L3MBTL3: variants seen among roughly 807,000 people sequenced by gnomAD.
L3MBTL3 encodes the protein lethal(3)malignant brain tumor-like protein 3.
A neutral mutation model predicts 102.3 loss-of-function variants in L3MBTL3; 27 were observed. That is an observed-to-expected ratio of 0.26 (90% confidence interval 0.19 to 0.36). The LOEUF is 0.36. Among genes scored for constraint, L3MBTL3 ranks in the 10% least tolerant of loss-of-function variants. The pLI, the probability that L3MBTL3 is intolerant of heterozygous loss-of-function variation, is 1.00. For missense variants in L3MBTL3, 798 were observed against 955.3 expected (o/e 0.84, Z 2.17); for synonymous variants, 340 against 320.9 (o/e 1.06, Z -0.64).
chr6:130,051,693 A>G (rs1298513869), intron 6 of L3MBTL3, among the ~76,000 whole-genome samples: 1 of 152,158 alleles, frequency 6.6e-6, no homozygotes, highest in African/African-American at 2.4e-5. Flanking sequence ...AGCTAAGAGT[A>G]TTTAGTTTTT....
intron 2 of L3MBTL3, among the ~76,000 whole-genome samples, chr6:130,038,346 C>T (rs768875407): frequency 9.2e-5 from 14 of 151,870 alleles, no homozygotes; most frequent in Admixed American, 2.0e-4. Context: ...ATCCTCCATA[C>T]TGTTTTCTAT....
chr6:130,063,725 A>G (rs770367538), intron 10 of L3MBTL3, among the ~76,000 whole-genome samples: 2 of 152,206 alleles, frequency 1.3e-5, no homozygotes, highest in Non-Finnish European at 2.9e-5. Context: ...TCTGTAAGGC[A>G]ACATCACAAC....
intron 2 of L3MBTL3, among the ~76,000 whole-genome samples, chr6:130,041,038 G>T (rs1780388796): frequency 6.6e-6 from 1 of 152,200 alleles, no homozygotes; most frequent in Non-Finnish European, 1.5e-5. Context: ...CAGTGAAGAA[G>T]GCAAAGAATG....
chr6:130,057,470 G>T lies in L3MBTL3; in HGVS notation c.732G>T (p.Val244=). 6.2e-7 allele frequency: 1 copy of T among 1,610,220 alleles called. No homozygotes were observed. The highest frequency in any genetic ancestry group is 8.5e-7 in the Non-Finnish European group (1 of 1,178,798). Residue 244 remains valine, a synonymous_variant, in exon 9 of 23, where the codon GTG becomes GTT. Transcript: ENST00000361794. ...CCTACCTGGAAGAGGAGAAAGCGGT[G>T]GCAGTGCCGGCGAAGCTGTTCAAGG... ...WASYLEEEKA[V]AVPAKLFKEH...
At chr6:130,111,542 C>G (rs960877253) in intron 19 of L3MBTL3, among the ~76,000 whole-genome samples, 4 of 152,108 alleles carry the variant, frequency 2.6e-5, no homozygotes, top group Non-Finnish European at 5.9e-5. Context: ...CAGGCAGTCC[C>G]CAGAATGAGT....
chr6:130,113,311 A>C (rs1785464605), intron 19 of L3MBTL3, among the ~76,000 whole-genome samples: 1 of 152,190 alleles, frequency 6.6e-6, no homozygotes, highest in Admixed American at 6.5e-5. Flanking sequence ...GTAGTCTATA[A>C]ATCAGGCTTT....
intron 20 of L3MBTL3, among the ~76,000 whole-genome samples, chr6:130,128,166 T>C (rs144193132): frequency 6.6e-5 from 10 of 152,322 alleles, no homozygotes; most frequent in Non-Finnish European, 1.5e-4. Flanking sequence ...ATAAATGTTT[T>C]TGCAGTAAAC....
chr6:130,038,810 G>C (rs1042211123), intron 2 of L3MBTL3, among the ~76,000 whole-genome samples: 1 of 151,216 alleles, frequency 6.6e-6, no homozygotes, highest in Non-Finnish European at 1.5e-5. Context: ...TTTGTGGCTT[G>C]TGCTTTTGAG....
intron 15 of L3MBTL3, among the ~76,000 whole-genome samples, chr6:130,084,517 G>A (rs1783555671): frequency 6.6e-6 from 1 of 151,962 alleles, no homozygotes; most frequent in South Asian, 2.1e-4. Flanking sequence ...AAAACCATAA[G>A]GCACGAAGAG....
chr6:130,023,185 AC>A (rs1224471425), intron 2 of L3MBTL3, among the ~76,000 whole-genome samples: 19 of 152,248 alleles, frequency 1.2e-4, no homozygotes, highest in African/African-American at 4.6e-4. Flanking sequence ...AAATTAGCCT[AC>A]CTTTTTAGAG....
At chr6:130,028,459 C>T (rs1779497481) in intron 2 of L3MBTL3, among the ~76,000 whole-genome samples, 1 of 152,164 alleles carries the variant, frequency 6.6e-6, no homozygotes, top group African/African-American at 2.4e-5. Context: ...TGGATGAGAA[C>T]AGAAGACCCA....
intron 9 of L3MBTL3, among the ~76,000 whole-genome samples, chr6:130,058,693 G>T (rs184713630): frequency 6.6e-6 from 1 of 152,168 alleles, no homozygotes; most frequent in Non-Finnish European, 1.5e-5. Flanking sequence ...CTGTTGCAAC[G>T]ACTCAGTTAG....
intron 7 of L3MBTL3, among the ~76,000 whole-genome samples, chr6:130,054,307 A>G (rs896915136): frequency 6.6e-6 from 1 of 152,208 alleles, no homozygotes; most frequent in Non-Finnish European, 1.5e-5. Context: ...TATGGTAAAC[A>G]AGAGTCGAGG....
intron 12 of L3MBTL3, among the ~76,000 whole-genome samples, chr6:130,070,582 G>C (rs1782562663): frequency 6.6e-6 from 1 of 152,086 alleles, no homozygotes. Context: ...TATTTTGTGT[G>C]AATAATTTTC....
rs151009071 is a variant in L3MBTL3 at position 130,076,483 on chromosome 6, G to A, written c.1245-2075G>A. Among the ~76,000 whole-genome samples the A allele has an allele frequency of 3.3e-5, 5 of 151,854 alleles. No individual in the cohort carries two copies. The East Asian group carries it at 9.7e-4, about 29-fold the overall frequency. On this transcript the variant is annotated intron_variant, in intron 13 of 22. Transcript: ENST00000361794. The stretch of plus-strand genomic sequence containing the variant: ...TTTTTTAAAATAGGTTATTTCTTTG[G>A]TTTCTGGCCCTTTTAGAATTTACCG...
chr6:130,118,241 G>A (rs553194527), intron 19 of L3MBTL3, among the ~76,000 whole-genome samples: 5 of 152,140 alleles, frequency 3.3e-5, no homozygotes, highest in East Asian at 1.9e-4. Flanking sequence ...TGCTATACTC[G>A]CCCTGTGAAT....
chr6:130,132,579 G>A (rs949492689), intron 20 of L3MBTL3, among the ~76,000 whole-genome samples: 1 of 152,224 alleles, frequency 6.6e-6, no homozygotes, highest in Non-Finnish European at 1.5e-5. Flanking sequence ...TTCTTCTGAG[G>A]TGCTTTGAAT....
At chr6:130,031,722 G>C (rs185417514) in intron 2 of L3MBTL3, among the ~76,000 whole-genome samples, 1 of 152,256 alleles carries the variant, frequency 6.6e-6, no homozygotes, top group East Asian at 1.9e-4. Context: ...TTCAGGTCCA[G>C]TACCTTCCCC....
chr6:130,079,785 G>C (rs1326614543), intron 14 of L3MBTL3, among the ~76,000 whole-genome samples: 1 of 152,160 alleles, frequency 6.6e-6, no homozygotes, highest in Non-Finnish European at 1.5e-5. Context: ...GTCTCACTTA[G>C]AGTGTCTGAT....
Sources: gnomAD v4.1 joint callset for allele counts (sites outside exome capture counted in the v4.1 genomes callset) on GRCh38, gnomAD v4.1.1 for gene constraint, MANE v1.5 for transcripts, NCBI Gene and HGNC (gene_info 2026-07-23, HGNC 2026-07-21) for gene names.